Variants in PSG3 observed in about 807,000 individuals in gnomAD.
PSG3 encodes the protein pregnancy specific beta-1-glycoprotein 3.
A neutral mutation model predicts 47.5 loss-of-function variants in PSG3; 61 were observed. The observed-to-expected ratio is 1.28, with a 90% confidence interval of 1.05 to 1.59. PSG3 has a LOEUF of 1.59. Ranked by LOEUF, PSG3 falls within the 40% of genes most tolerant of loss-of-function variation. The probability of loss-of-function intolerance (pLI) is 0.00; values close to 1 mark genes in which losing one functional copy is unlikely to be tolerated. For synonymous variants in PSG3, 263 were observed against 198.4 expected (o/e 1.33, Z -2.74); for missense variants, 756 against 524.0 (o/e 1.44, Z -4.32).
chr19:42,735,386 A>G (rs568377158), intron 2 of PSG3, among the ~76,000 whole-genome samples: 1 of 151,394 alleles, frequency 6.6e-6, no homozygotes, highest in African/African-American at 2.4e-5. Flanking sequence ...TTTTTTTCTG[A>G]GACAGAGTCT....
Position 42,734,864 on chromosome 19 carries a change from G to GCA in PSG3, c.431-1803_431-1802insTG, listed in dbSNP as rs1969536324. Among the ~76,000 whole-genome samples the GCA allele has an allele frequency of 6.6e-5, 10 of 152,274 alleles. No homozygotes were observed. In the South Asian group the frequency reaches 2.1e-3, roughly 32 times the overall value. Reference sequence around the variant, plus strand: ...TTCTGTGCAGAGTTAGGAAAAATGGGGAGGACCCCAAAACAGGTATGTGAA... The same window carrying GCA: ...TTCTGTGCAGAGTTAGGAAAAATGGGCAGAGGACCCCAAAACAGGTATGTGAA... On this transcript the variant is annotated intron_variant, in intron 2 of 6. Transcript: ENST00000327495.
At chr19:42,737,359 T>C (rs1476759100) in intron 2 of PSG3, among the ~76,000 whole-genome samples, 3 of 152,154 alleles carry the variant, frequency 2.0e-5, no homozygotes, top group Non-Finnish European at 2.9e-5. Flanking sequence ...TCATTTGTTA[T>C]GTAAGAGCTC....
chr19:42,735,430 G>A (rs1969547182), intron 2 of PSG3, among the ~76,000 whole-genome samples: 3 of 151,900 alleles, frequency 2.0e-5, no homozygotes, highest in Non-Finnish European at 4.4e-5. Context: ...GCAGTGGCAT[G>A]ATCTCATCTC....
Position 42,739,442 on chromosome 19 carries a change from G to A in PSG3, c.65-353C>T, listed in dbSNP as rs1413196648. On this transcript the variant is annotated intron_variant, in intron 1 of 6. Transcript: ENST00000327495. ...CTTCTTTCCTGACGCCTCCTTCAGA[G>A]ACCCTGGGTCTTCCCTTTCTGACCT... 1.2e-5 allele frequency: 3 copies of A among 255,302 alleles called. No homozygotes were observed. The East Asian group carries it at 2.6e-4, about 22-fold the overall frequency. 15.8% of individuals were successfully genotyped at this position (255,302 alleles called of 1,614,324 possible).
At chr19:42,727,486 T>C (rs1969396205) in intron 5 of PSG3, among the ~76,000 whole-genome samples, 1 of 152,172 alleles carries the variant, frequency 6.6e-6, no homozygotes, top group South Asian at 2.1e-4. Flanking sequence ...GATATACAAA[T>C]ATCAAATAAG....
intron 2 of PSG3, among the ~76,000 whole-genome samples, chr19:42,737,851 T>A (rs916521389): frequency 3.9e-5 from 6 of 152,220 alleles, no homozygotes; most frequent in African/African-American, 1.4e-4. Flanking sequence ...GCAAATGGAC[T>A]GTGGCTTTTC....
Position 42,721,883 on chromosome 19 carries a change from G to T in PSG3, c.*248C>A, listed in dbSNP as rs921064827. ...TTGACTATTTAGTCCAATAAAATTG[G>T]GTTTTTTTCTTTGTCTTGAATTTCA... On this transcript the variant is annotated 3_prime_UTR_variant, in exon 7 of 7. Transcript: ENST00000327495. The T allele has an allele frequency of 2.4e-6, 1 of 414,704 alleles. No homozygotes were observed. The highest frequency in any genetic ancestry group is 3.6e-5 in the East Asian group (1 of 27,936). The allele number at this position is 414,704 out of a possible 1,614,324, so 25.7% of individuals were successfully genotyped here. A position where few individuals can be genotyped will look rare whatever the true frequency, so the allele number is the denominator to read the frequency against.
Position 42,729,662 on chromosome 19 carries a change from G to A in PSG3, c.988+116C>T, listed in dbSNP as rs1969437918. 5 of 1,553,446 alleles carry A rather than the reference G, an allele frequency of 3.2e-6. No homozygotes were observed. In the Admixed American group the frequency reaches 9.5e-5, roughly 29 times the overall value. ...AGGGCAGGAAGTTATGGCCAGCTCG[G>A]ATGTCCAGAAGTAATGGTATCTATA... On this transcript the variant is annotated intron_variant, in intron 4 of 6. Transcript: ENST00000327495.
intron 3 of PSG3, among the ~76,000 whole-genome samples, chr19:42,730,518 G>T (rs186329191): frequency 3.9e-5 from 6 of 152,300 alleles, no homozygotes; most frequent in Admixed American, 2.6e-4. Context: ...GACTTCCCAT[G>T]GCCCTGAAAC....
At chr19:42,739,457 CT>C (rs773435100) in intron 1 of PSG3, 3 of 237,602 alleles carry the variant, frequency 1.3e-5, no homozygotes, top group African/African-American at 2.2e-5. Context: ...TGGGTCTTCC[CT>C]TTCTGACCTT....
rs550558020 is a variant in PSG3, at chr19:42,730,092, G to A, written c.710-36C>T. 13 of 1,603,164 alleles carry A rather than the reference G, an allele frequency of 8.1e-6. No homozygotes were observed. The African/African-American group carries it at 1.6e-4, about 20-fold the overall frequency. ...AACAGAGAGAAGATTGTCCTGTGTG[G>A]CACCTTTGATTCCTCCACTGGCATC... On this transcript the variant is annotated intron_variant, in intron 3 of 6. Coordinates refer to ENST00000327495, the MANE Select transcript of PSG3 (RefSeq NM_021016.4).
chr19:42,736,349 ACTAATGG>A (rs1969562062), intron 2 of PSG3, among the ~76,000 whole-genome samples: 1 of 152,174 alleles, frequency 6.6e-6, no homozygotes. Context: ...CATACCTATG[ACTAATGG>A]CTCAGCCCGT....
chr19:42,729,180 C>G lies in PSG3; in HGVS notation c.1186G>C (p.Val396Leu), dbSNP rs766384589. ...TCCATGCCAGTGGCTGAGTTACGAA[C>G]AGAGCAAGCATAGAGCCCGCTATGC... ...TKHSGLYACS[V>L]RNSATGMESS... The change falls in exon 5 of 7, where the codon GTT becomes CTT. Residue 396 changes from valine to leucine, a missense_variant. Physicochemically the swap from Val to Leu is conservative, Grantham distance 32. Transcript: ENST00000327495. 2.5e-6 allele frequency: 4 copies of G among 1,613,990 alleles called. No individual in the cohort carries two copies. The Admixed American group carries it at 5.0e-5, about 20-fold the overall frequency.
intron 3 of PSG3, among the ~76,000 whole-genome samples, chr19:42,730,749 C>T (rs1002073937): frequency 1.3e-5 from 2 of 152,210 alleles, no homozygotes; most frequent in African/African-American, 4.8e-5. Flanking sequence ...AGGTGACAGG[C>T]AAGAGCTGGT....
At chr19:42,737,704 T>G (rs1969589650) in intron 2 of PSG3, among the ~76,000 whole-genome samples, 1 of 152,180 alleles carries the variant, frequency 6.6e-6, no homozygotes, top group South Asian at 2.1e-4. Flanking sequence ...CCCTCACTTC[T>G]GGTGGAGGAG....
At chr19:42,734,323 A>G (rs1256673882) in intron 2 of PSG3, 2 of 152,210 alleles carry the variant, frequency 1.3e-5, no homozygotes, top group Non-Finnish European at 2.9e-5. Flanking sequence ...AATCTGAAAA[A>G]TTTAAAATCC....
Position 42,740,327 on chromosome 19 carries a change from G to A in PSG3, c.58C>T (p.Leu20Phe), listed in dbSNP as rs778276569. 2 of 1,613,914 alleles carry A rather than the reference G, an allele frequency of 1.2e-6. No individual in the cohort carries two copies. The highest frequency in any genetic ancestry group is 1.7e-6 in the Non-Finnish European group (2 of 1,179,860). Residue 20 changes from leucine to phenylalanine, a missense_variant, in exon 1 of 7, where the codon CTC becomes TTC. Leu to Phe is a conservative substitution (Grantham distance 22, BLOSUM62 0). Coordinates refer to ENST00000327495, the MANE Select transcript of PSG3 (RefSeq NM_021016.4). ...CAGGAAGTTCTCTCCTCACCTGTGA[G>A]CAGGAGCCCCTTCCAGGTGATGCGC... is the stretch of plus-strand genomic sequence containing the variant. ...TQRITWKGLLLTALLLNFWNL... is the reference protein window; with the variant it reads ...TQRITWKGLLFTALLLNFWNL...
At chr19:42,725,828 T>A (rs756723536) in intron 5 of PSG3, among the ~76,000 whole-genome samples, 1 of 146,010 alleles carries the variant, frequency 6.8e-6, no homozygotes, top group African/African-American at 2.6e-5. Flanking sequence ...CACACCACTG[T>A]ATTCCATCCT....
At chr19:42,739,293 T>C in intron 1 of PSG3, 1 of 926,376 alleles carries the variant, frequency 1.1e-6, no homozygotes, top group Non-Finnish European at 1.6e-6. Context: ...GTCAGCAACA[T>C]GACCCCCATT....
Sources: gnomAD v4.1 joint callset for allele counts (sites outside exome capture counted in the v4.1 genomes callset) on GRCh38, gnomAD v4.1.1 for gene constraint, MANE v1.5 for transcripts, NCBI Gene and HGNC (gene_info 2026-07-23, HGNC 2026-07-21) for gene names.